The following INA variants were observed in gnomAD, a reference collection of about 807,000 sequenced individuals.
The protein encoded by INA is alpha-internexin.
INA carries 35 observed loss-of-function variants against 40.1 expected under a neutral mutation model. The ratio of observed to expected loss-of-function variants is 0.87; its 90% CI spans 0.67 to 1.16. The LOEUF is 1.16. INA is among the 50% of genes most tolerant of loss of function. The pLI is 0.00. For missense variants in INA, 594 were observed against 686.7 expected (o/e 0.87, Z 1.51); for synonymous variants, 290 against 316.9 (o/e 0.92, Z 0.90).
intron 2 of INA, among the ~76,000 whole-genome samples, chr10:103,287,731 T>TA (rs942151006): frequency 0.013 from 1,006 of 77,768 alleles, 7 homozygotes; most frequent in Middle Eastern, 0.1. Flanking sequence ...AGACTCTGTC[T>TA]AAAAAAAAAA....
Position 103,278,025 on chromosome 10 carries a change from T to G in INA, c.814T>G (p.Tyr272Asp). 6.2e-7 allele frequency: 1 copy of G among 1,611,016 alleles called. No homozygotes were observed. Among genetic ancestry groups the G allele is most frequent in the Non-Finnish European group, 8.5e-7 (1 of 1,178,804 alleles). ...GGCTCTGAGGGAGATCCGCGCCCAG[T>G]ATGAGTCCCTGGCCGCTAAGAACCT... is the stretch of plus-strand genomic sequence containing the variant. ...TSALREIRAQ[Y>D]ESLAAKNLQS... The change falls in exon 1 of 3, where the codon TAT becomes GAT. Residue 272 changes from tyrosine to aspartate, a missense_variant. Around this residue, in one of 2 missense-constraint regions of INA, gnomAD observed 379 missense variants for 496.1 expected, o/e 0.76. Transcript: ENST00000369849. The surrounding 1 kb of genome is among the most constrained non-coding windows in gnomAD (Gnocchi z 4.9).
rs752168863 is a variant in INA, at chr10:103,288,383, C to A, written c.1214C>A (p.Thr405Lys). 1.9e-5 allele frequency: 30 copies of A among 1,599,868 alleles called. No individual in the cohort carries two copies. Among genetic ancestry groups the A allele is most frequent in the Non-Finnish European group, 2.6e-5 (30 of 1,176,316 alleles). Residue 405 changes from threonine (T) to lysine (K), a missense_variant, in exon 3 of 3, where the codon ACA becomes AAA. Coordinates refer to ENST00000369849, the MANE Select transcript of INA (RefSeq NM_032727.4). ...AYRKLLEGEE[T>K]RFSTSGLSIS... ...AGGAAACTGCTGGAAGGCGAGGAGACACGTTTTAGCACCAGTGGGTTAAGC... is the reference window on the plus strand; with the variant it reads ...AGGAAACTGCTGGAAGGCGAGGAGAAACGTTTTAGCACCAGTGGGTTAAGC...
At chr10:103,280,794 C>T (rs1456371801) in intron 1 of INA, 1 of 985,362 alleles carries the variant, frequency 1.0e-6, no homozygotes, top group African/African-American at 1.7e-5. Flanking sequence ...CCAAATGCAA[C>T]TCCCCTCTGC....
At position 103,277,177 on chromosome 10, in the gene INA, G is replaced by A. The variant is rs890313738; in HGVS notation, c.-35G>A. Reference sequence around the variant, plus strand: ...ACCTCTCCTTTCTTCTGTAGCTCGCGTTGAAGCCGCACGTCCGGCCCCGAT... The same window carrying A: ...ACCTCTCCTTTCTTCTGTAGCTCGCATTGAAGCCGCACGTCCGGCCCCGAT... On this transcript the variant is annotated 5_prime_UTR_variant, in exon 1 of 3. Transcript: ENST00000369849. The surrounding 1 kb of genome is among the most constrained non-coding windows in gnomAD (Gnocchi z 5.6). 3.2e-6 allele frequency: 5 copies of A among 1,542,228 alleles called. No individual in the cohort carries two copies. Among genetic ancestry groups the A allele is most frequent in the African/African-American group, 2.9e-5 (2 of 69,444 alleles).
chr10:103,277,472 C>T lies in INA; in HGVS notation c.261C>T (p.Tyr87=). The change falls in exon 1 of 3, where the codon TAC becomes TAT. Residue 87 remains tyrosine, a synonymous_variant. Coordinates refer to ENST00000369849, the MANE Select transcript of INA (RefSeq NM_032727.4). This position sits in a 1 kb window ranked among gnomAD's most constrained non-coding sequence, Gnocchi z 5.6. ...AGGCGGCGGCGCGCACCAACGAGTA[C>T]AAGATCATCCGCACCAACGAGAAGG... ...LSQAAARTNE[Y]KIIRTNEKEQ... is the part of the protein sequence containing the mutation. The T allele has an allele frequency of 1.3e-6, 2 of 1,588,616 alleles. No homozygotes were observed. The highest frequency in any genetic ancestry group is 1.7e-6 in the Non-Finnish European group (2 of 1,170,894).
intron 2 of INA, among the ~76,000 whole-genome samples, chr10:103,287,731 TAAA>T (rs942151006): frequency 6.4e-5 from 5 of 77,974 alleles, no homozygotes; most frequent in African/African-American, 4.9e-5. Flanking sequence ...AGACTCTGTC[TAAA>T]AAAAAAAAAA....
At chr10:103,287,194 AG>A (rs1177542617) in intron 2 of INA, 35 bp downstream of exon 2, 1 of 1,603,264 alleles carries the variant, frequency 6.2e-7, no homozygotes, top group Non-Finnish European at 8.5e-7. Context: ...GAGTAAATCC[AG>A]TCACCTAGGG....
At chr10:103,279,304 G>GC (rs1453627977) in intron 1 of INA, among the ~76,000 whole-genome samples, 20 of 152,256 alleles carry the variant, frequency 1.3e-4, no homozygotes, top group Middle Eastern at 3.4e-3. Flanking sequence ...AAGTGCATGT[G>GC]ATAAGTCACA....
At position 103,278,506 on chromosome 10, in the gene INA, A is replaced by C. The variant is rs981134212; in HGVS notation, c.1065+230A>C. Among the ~76,000 whole-genome samples, 2 of 152,148 alleles carry C rather than the reference A, an allele frequency of 1.3e-5. No homozygotes were observed. Among genetic ancestry groups the C allele is most frequent in the African/African-American group, 4.8e-5 (2 of 41,434 alleles). ...AGCCCTTCAAACAAAGAAGCCCTTAAATTTATTTGAGGTTCGAAAACCCAA... is the reference window on the plus strand; with the variant it reads ...AGCCCTTCAAACAAAGAAGCCCTTACATTTATTTGAGGTTCGAAAACCCAA... On this transcript the variant is annotated intron_variant, in intron 1 of 2. Transcript: ENST00000369849. The surrounding 1 kb of genome is among the most constrained non-coding windows in gnomAD (Gnocchi z 4.9).
rs1400798747 is a variant in INA, at chr10:103,290,272, C to G, written c.*1603C>G. The stretch of plus-strand genomic sequence containing the variant: ...ATACTTTTCCTTACCTTTACCCCAT[C>G]CCTGTCTTTACTCCTCACACTTACT... On this transcript the variant is annotated 3_prime_UTR_variant, in exon 3 of 3. Transcript: ENST00000369849. The G allele has an allele frequency of 6.6e-6, 1 of 152,300 alleles. No individual in the cohort carries two copies. Among genetic ancestry groups the G allele is most frequent in the African/African-American group, 2.4e-5 (1 of 41,462 alleles). 9.4% of individuals were successfully genotyped at this position (152,300 alleles called of 1,614,324 possible).
intron 2 of INA, 69 bp downstream of exon 2, chr10:103,287,228 A>T: frequency 6.5e-7 from 1 of 1,526,862 alleles, no homozygotes; most frequent in Non-Finnish European, 8.8e-7. Flanking sequence ...AAATAAGTGG[A>T]TCTAGTCTCT....
intron 1 of INA, chr10:103,280,343 G>C (rs2093069967): frequency 1.0e-6 from 1 of 985,294 alleles, no homozygotes; most frequent in Non-Finnish European, 1.2e-6. Context: ...TGGAGCTCAA[G>C]TCTTACCTGC....
intron 1 of INA, among the ~76,000 whole-genome samples, chr10:103,282,076 A>C (rs2093074050): frequency 6.6e-6 from 1 of 152,234 alleles, no homozygotes; most frequent in Non-Finnish European, 1.5e-5. Flanking sequence ...GAGCACAAAC[A>C]AAGAGACCAG....
chr10:103,287,978 C>T (rs1283197728), intron 2 of INA, among the ~76,000 whole-genome samples: 1 of 152,126 alleles, frequency 6.6e-6, no homozygotes, highest in African/African-American at 2.4e-5. Flanking sequence ...GACATCTCAC[C>T]TCCTTATCCC....
chr10:103,277,695 T>G lies in INA; in HGVS notation c.484T>G (p.Ser162Ala), dbSNP rs2093062966. 5.8e-6 allele frequency: 8 copies of G among 1,372,336 alleles called. No individual in the cohort carries two copies. The highest frequency in any genetic ancestry group is 7.5e-6 in the Non-Finnish European group (8 of 1,073,536). 85.0% of individuals were successfully genotyped at this position (1,372,336 alleles called of 1,614,324 possible). A position where few individuals can be genotyped will look rare whatever the true frequency, so the allele number is the denominator to read the frequency against. ...GCTGGAGGAGGCCAGCTCGGCTCGCTCGCAGGCCCTGCTGGAGCGCGACGG... is the reference window on the plus strand; with the variant it reads ...GCTGGAGGAGGCCAGCTCGGCTCGCGCGCAGGCCCTGCTGGAGCGCGACGG... ...AQLEEASSAR[S>A]QALLERDGLA... The change falls in exon 1 of 3, where the codon TCG (serine) becomes GCG (alanine). Residue 162 changes from serine (S) to alanine (A), a missense_variant. Physicochemically the swap from Ser to Ala is moderately conservative, Grantham distance 99. Around this residue, in one of 2 missense-constraint regions of INA, gnomAD observed 379 missense variants for 496.1 expected, o/e 0.76. Coordinates refer to ENST00000369849, the MANE Select transcript of INA (RefSeq NM_032727.4). This position sits in a 1 kb window ranked among gnomAD's most constrained non-coding sequence, Gnocchi z 5.6.
At chr10:103,279,871 A>G in intron 1 of INA, 1 of 1,108,322 alleles carries the variant, frequency 9.0e-7, no homozygotes, top group Non-Finnish European at 1.2e-6. Context: ...ACTTTTCATT[A>G]TGTACCCTAA....
chr10:103,287,005 CCTAA>C (rs1279951218), intron 1 of INA, 26 bp from the exon 2 acceptor site: 5 of 1,608,664 alleles, frequency 3.1e-6, no homozygotes, highest in African/African-American at 1.3e-5. Context: ...GCTGGTTTGG[CCTAA>C]CTATTTTGGA....
intron 1 of INA, chr10:103,280,679 A>G (rs2093070666): frequency 1.0e-6 from 1 of 985,334 alleles, no homozygotes; most frequent in African/African-American, 1.7e-5. Context: ...TTGAAAGGGT[A>G]AAAAATGATT....
At chr10:103,287,598 G>T (rs757671573) in intron 2 of INA, among the ~76,000 whole-genome samples, 4 of 151,998 alleles carry the variant, frequency 2.6e-5, no homozygotes, top group Non-Finnish European at 5.9e-5. Context: ...GGCCAGGCGT[G>T]GTGGCACACA....
Sources: gnomAD v4.1 joint callset for allele counts (sites outside exome capture counted in the v4.1 genomes callset) on GRCh38, gnomAD v4.1.1 for gene constraint, gnomAD v4.1.1 regional missense constraint, Gnocchi (gnomAD v3.1) non-coding constraint, MANE v1.5 for transcripts, NCBI Gene and HGNC (gene_info 2026-07-23, HGNC 2026-07-21) for gene names.